METTL16: variants seen among roughly 807,000 people sequenced by gnomAD.
The protein encoded by METTL16 is RNA N(6)-adenosine-methyltransferase METTL16.
In METTL16, 19 loss-of-function variants were observed where a neutral mutation model predicts 57.9. The observed-to-expected ratio is 0.33, with a 90% CI of 0.23 to 0.48. The LOEUF is 0.48. Among genes scored for constraint, METTL16 ranks in the 20% least tolerant of loss-of-function variants. METTL16 has a pLI of 0.99. For missense variants in METTL16, 434 were observed against 691.5 expected, an observed-to-expected ratio of 0.63 and a Z score of 4.18; for synonymous variants, 246 against 255.6, an observed-to-expected ratio of 0.96 and a Z score of 0.36.
chr17:2,473,807 C>T (rs1048715336), intron 3 of METTL16, 143 bp from the exon 4 acceptor site: 19 of 796,856 alleles, frequency 2.4e-5, no homozygotes, highest in Admixed American at 1.4e-4. Context: ...GGTGTGATCA[C>T]GGTTCACTGC....
chr17:2,433,739 T>A (rs1471708575), intron 8 of METTL16, among the ~76,000 whole-genome samples: 1 of 152,206 alleles, frequency 6.6e-6, no homozygotes, highest in Non-Finnish European at 1.5e-5. Context: ...ATCTACTAAA[T>A]CTACTGGATC....
intron 6 of METTL16, among the ~76,000 whole-genome samples, chr17:2,463,502 C>T (rs2067165921): frequency 1.3e-5 from 2 of 152,090 alleles, no homozygotes; most frequent in Admixed American, 1.3e-4. Flanking sequence ...TACTCTCTCA[C>T]CCAGGCTGGA....
At chr17:2,428,105 T>C (rs1465470162) in intron 8 of METTL16, among the ~76,000 whole-genome samples, 1 of 151,808 alleles carries the variant, frequency 6.6e-6, no homozygotes, top group East Asian at 1.9e-4. Flanking sequence ...TTGCAACATA[T>C]TTCATCTTAA....
chr17:2,449,319 T>C (rs1368818786), intron 6 of METTL16, among the ~76,000 whole-genome samples: 1 of 152,134 alleles, frequency 6.6e-6, no homozygotes, highest in Admixed American at 6.6e-5. Flanking sequence ...TTCATGAAAA[T>C]TGATAAACTG....
At chr17:2,436,871 CTTT>C (rs543406197) in intron 8 of METTL16, 32 of 129,736 alleles carry the variant, frequency 2.5e-4, no homozygotes, top group East Asian at 4.2e-4. Context: ...GTGAACAAAC[CTTT>C]TTTTTTTTTT....
In METTL16 at chr17:2,448,801, T is replaced by A. The variant is rs1173840931; in HGVS notation, c.729-7242A>T. Among the ~76,000 whole-genome samples, 252 of 47,128 alleles carry A rather than the reference T, an allele frequency of 5.3e-3. 1 individual carries two copies. Among genetic ancestry groups the A allele is most frequent in the African/African-American group, 0.027 (139 of 5,214 alleles). The allele number at this position is 47,128 out of a possible 152,430, so 30.9% of individuals were successfully genotyped here. ...AAAAATAAAAAAATAAAAATAAAATTTAAAAAAAAAAAAAAAAAAAAAAAA... is the reference window on the plus strand; with the variant it reads ...AAAAATAAAAAAATAAAAATAAAATATAAAAAAAAAAAAAAAAAAAAAAAA... On this transcript the variant is annotated intron_variant, in intron 6 of 9. Coordinates refer to ENST00000263092, the MANE Select transcript of METTL16 (RefSeq NM_024086.4).
At position 2,430,479 on chromosome 17, in the gene METTL16, G is replaced by T. The variant is rs1239608470; in HGVS notation, c.888+7630C>A. 2.1e-5 allele frequency among the ~76,000 whole-genome samples: 3 copies of T among 145,196 alleles called. No homozygotes were observed. The Admixed American group carries it at 2.1e-4, about 10-fold the overall frequency. On this transcript the variant is annotated intron_variant, in intron 8 of 9. Transcript: ENST00000263092. ...CGCCCAGGCTGGAGTGCAGTGGCGG[G>T]ATCTCGGCTCACTGCAAGCTCCGCC... is the stretch of plus-strand genomic sequence containing the variant.
At chr17:2,505,253 C>T (rs1036545270) in intron 1 of METTL16, among the ~76,000 whole-genome samples, 4 of 151,628 alleles carry the variant, frequency 2.6e-5, no homozygotes, top group African/African-American at 9.7e-5. Context: ...TTCTTCTAAA[C>T]AATATTATGT....
chr17:2,482,089 G>A (rs1470692518), intron 2 of METTL16, among the ~76,000 whole-genome samples: 1 of 152,170 alleles, frequency 6.6e-6, no homozygotes, highest in South Asian at 2.1e-4. Context: ...AACATTTTGA[G>A]TATACAGGAA....
In METTL16 at chr17:2,482,044, A is replaced by G. The variant is rs140229869; in HGVS notation, c.129-4159T>C. Among the ~76,000 whole-genome samples the G allele has an allele frequency of 7.3e-3, 1,109 of 152,358 alleles. 36 individuals carry two copies. Among genetic ancestry groups the G allele is most frequent in the Admixed American group, 0.062 (947 of 15,284 alleles). On this transcript the variant is annotated intron_variant, in intron 2 of 9. Coordinates refer to ENST00000263092, the MANE Select transcript of METTL16 (RefSeq NM_024086.4). ...AAAAGTGTGACACAATTTTATGCTC[A>G]GCCAAACTTACTTTGATTATAATGA...
At chr17:2,507,883 AAGG>A (rs2067558527) in intron 1 of METTL16, among the ~76,000 whole-genome samples, 1 of 152,194 alleles carries the variant, frequency 6.6e-6, no homozygotes, top group East Asian at 1.9e-4. Context: ...TGAATGGATG[AAGG>A]GTGGTGCAAG....
chr17:2,510,397 G>T (rs1029428155), intron 1 of METTL16, among the ~76,000 whole-genome samples: 1 of 152,190 alleles, frequency 6.6e-6, no homozygotes, highest in African/African-American at 2.4e-5. Context: ...TGGCATGTTA[G>T]GGCTCTGCCA....
At chr17:2,449,531 A>G (rs1217189436) in intron 6 of METTL16, among the ~76,000 whole-genome samples, 1 of 151,946 alleles carries the variant, frequency 6.6e-6, no homozygotes, top group African/African-American at 2.4e-5. Flanking sequence ...AAAACAAAAA[A>G]CAAACAAAAA....
intron 5 of METTL16, among the ~76,000 whole-genome samples, chr17:2,465,546 CAAA>C (rs547864019): frequency 8.2e-5 from 2 of 24,496 alleles, no homozygotes; most frequent in East Asian, 1.5e-3. Context: ...GACTCCATCT[CAAA>C]AAAAAAAAAA....
chr17:2,465,425 T>C (rs528394786), intron 5 of METTL16, among the ~76,000 whole-genome samples: 1 of 151,584 alleles, frequency 6.6e-6, no homozygotes, highest in South Asian at 2.1e-4. Flanking sequence ...CTCACGCCTG[T>C]AGTCCCAGCT....
intron 1 of METTL16, among the ~76,000 whole-genome samples, chr17:2,505,920 T>A (rs980028583): frequency 1.3e-5 from 2 of 152,104 alleles, no homozygotes; most frequent in African/African-American, 4.8e-5. Context: ...TTAAGTCACA[T>A]GCCCTTGCTC....
chr17:2,465,546 C>CAAA lies in METTL16; in HGVS notation c.586-1199_586-1197dup, dbSNP rs547864019. 1.8e-3 allele frequency among the ~76,000 whole-genome samples: 45 copies of CAAA among 24,474 alleles called. 1 individual carries two copies. The highest frequency in any genetic ancestry group is 3.2e-3 in the African/African-American group (20 of 6,302). The allele number at this position is 24,474 out of a possible 152,430, so 16.1% of individuals were successfully genotyped here. A position where few individuals can be genotyped will look rare whatever the true frequency, so the allele number is the denominator to read the frequency against. ...TGGGCGACAGAGCAAGACTCCATCT[C>CAAA]AAAAAAAAAAAAAAAAAAAAAAAAA... is the stretch of plus-strand genomic sequence containing the variant. On this transcript the variant is annotated intron_variant, in intron 5 of 9. Transcript: ENST00000263092.
intron 5 of METTL16, among the ~76,000 whole-genome samples, chr17:2,465,309 C>T (rs777470463): frequency 4.6e-5 from 7 of 151,398 alleles, no homozygotes; most frequent in Non-Finnish European, 7.4e-5. Context: ...TTTAGGAGGC[C>T]GAGGCGGGAG....
intron 2 of METTL16, among the ~76,000 whole-genome samples, chr17:2,483,634 G>A (rs879623105): frequency 4.6e-5 from 7 of 152,046 alleles, no homozygotes; most frequent in African/African-American, 7.2e-5. Context: ...GCACGCAATG[G>A]CCTCAATCAA....
Sources: gnomAD v4.1 joint callset for allele counts (sites outside exome capture counted in the v4.1 genomes callset) on GRCh38, gnomAD v4.1.1 for gene constraint, MANE v1.5 for transcripts, NCBI Gene and HGNC (gene_info 2026-07-23, HGNC 2026-07-21) for gene names.